COL5A1: variants seen among roughly 807,000 people sequenced by gnomAD.
The protein encoded by COL5A1 is collagen alpha-1(V) chain.
Under a neutral mutation model 263.7 loss-of-function variants are expected in COL5A1, and 16 were observed. The observed-to-expected ratio is 0.06, with a 90% CI of 0.04 to 0.09. COL5A1 has a LOEUF of 0.09. Among genes scored for constraint, COL5A1 ranks in the 10% least tolerant of loss-of-function variants. COL5A1 has a pLI of 1.00. For synonymous variants in COL5A1, 1,012 were observed against 1,004.5 expected (o/e 1.01, Z -0.14); for missense variants, 2,036 against 2,540.5 (o/e 0.80, Z 4.27).
intron 39 of COL5A1, among the ~76,000 whole-genome samples, chr9:134,803,860 A>C (rs779376671): frequency 1.3e-5 from 2 of 151,942 alleles, no homozygotes; most frequent in African/African-American, 2.4e-5. Context: ...AGAAAAAAAA[A>C]CAGCCCTCAC....
chr9:134,814,463 C>T (rs1479281098), intron 49 of COL5A1, among the ~76,000 whole-genome samples: 1 of 152,232 alleles, frequency 6.6e-6, no homozygotes, highest in African/African-American at 2.4e-5. Context: ...GTTCTAGCTG[C>T]TCCCTCCCCA....
At chr9:134,815,068 T>G (rs1479446349) in intron 50 of COL5A1, among the ~76,000 whole-genome samples, 164 bp downstream of exon 50, 1 of 152,224 alleles carries the variant, frequency 6.6e-6, no homozygotes, top group East Asian at 1.9e-4. Context: ...TACCAGCTAC[T>G]GAACCAAAAT....
intron 48 of COL5A1, 47 bp downstream of exon 48, chr9:134,812,759 AG>A: frequency 1.0e-6 from 1 of 969,712 alleles, no homozygotes; most frequent in Non-Finnish European, 1.5e-6. Context: ...TTGTTTGAGG[AG>A]TGTGTGTGTG....
At chr9:134,836,696 A>G (rs1839865743) in intron 65 of COL5A1, among the ~76,000 whole-genome samples, 1 of 152,220 alleles carries the variant, frequency 6.6e-6, no homozygotes, top group African/African-American at 2.4e-5. Context: ...CCTGCCCAGC[A>G]TCGCTGCGGA....
At position 134,826,636 on chromosome 9, in the gene COL5A1, ATG is replaced by A. The variant is rs932059277; in HGVS notation, c.5067+737_5067+738del. On this transcript the variant is annotated intron_variant, in intron 63 of 65. Coordinates refer to ENST00000371817, the MANE Select transcript of COL5A1 (RefSeq NM_000093.5). ...TGTGTGTGTAGATGGCATGTGGATG[ATG>A]TGTGGGTGCATGTGGCTGGTGGATG... Among the ~76,000 whole-genome samples the A allele has an allele frequency of 4.3e-3, 439 of 102,702 alleles. 4 individuals are homozygous for A. The highest frequency in any genetic ancestry group is 0.026 in the African/African-American group (415 of 15,968). The allele number at this position is 102,702 out of a possible 152,430, so 67.4% of individuals were successfully genotyped here.
In COL5A1 at chr9:134,804,965, C is replaced by CT. The variant is rs1277988863; in HGVS notation, c.3115-9dup. 6.2e-7 allele frequency: 1 copy of CT among 1,612,188 alleles called. No individual in the cohort carries two copies. The highest frequency in any genetic ancestry group is 1.3e-5 in the African/African-American group (1 of 74,914). On this transcript the variant is annotated splice_polypyrimidine_tract_variant and intron_variant, in intron 39 of 65. Transcript: ENST00000371817. ...GCTCCAGGAAAGCTCATCTCTGACT[C>CT]TGTTTTCAGGGTGACCCAGGCCCTG... is the stretch of plus-strand genomic sequence containing the variant.
At chr9:134,735,513 G>T (rs1231606082) in intron 9 of COL5A1, among the ~76,000 whole-genome samples, 2 of 152,218 alleles carry the variant, frequency 1.3e-5, no homozygotes, top group Non-Finnish European at 2.9e-5. Context: ...TGCCTGGGAA[G>T]GTTCAGGCAT....
chr9:134,665,645 C>T (rs948043306), intron 1 of COL5A1, among the ~76,000 whole-genome samples: 1 of 152,164 alleles, frequency 6.6e-6, no homozygotes, highest in Non-Finnish European at 1.5e-5. Flanking sequence ...GCAGGTGGGT[C>T]TTTGGAAGGT....
chr9:134,707,076 G>T (rs1833859959), intron 4 of COL5A1, among the ~76,000 whole-genome samples: 1 of 152,196 alleles, frequency 6.6e-6, no homozygotes, highest in Non-Finnish European at 1.5e-5. Flanking sequence ...GCGGGACTAA[G>T]AGGGGGCCTG....
rs751699482 is a variant in COL5A1 at position 134,830,007 on chromosome 9, C to G, written c.5099C>G (p.Pro1700Arg). 6.2e-7 allele frequency: 1 copy of G among 1,614,002 alleles called. No homozygotes were observed. The highest frequency in any genetic ancestry group is 1.1e-5 in the South Asian group (1 of 91,022). The change falls in exon 64 of 66, where the codon CCG (proline) becomes CGG (arginine). Residue 1700 changes from proline (P) to arginine (R), a missense_variant. By Grantham distance (103) the Pro-to-Arg change is moderately radical. Around this residue, in one of 3 missense-constraint regions of COL5A1, gnomAD observed 358 missense variants for 384.6 expected, o/e 0.93. Transcript: ENST00000371817. Reference sequence around the variant, plus strand: ...ATCACTTCTTGGCCCAAAGAAAACCCGGGCTCCTGGTTCAGTGAATTCAAG... The same window carrying G: ...ATCACTTCTTGGCCCAAAGAAAACCGGGGCTCCTGGTTCAGTGAATTCAAG... ...ARITSWPKENPGSWFSEFKRG... is the reference protein window; with the variant it reads ...ARITSWPKENRGSWFSEFKRG...
chr9:134,829,161 G>A (rs556195096), intron 63 of COL5A1, among the ~76,000 whole-genome samples: 40 of 152,364 alleles, frequency 2.6e-4, no homozygotes, highest in African/African-American at 7.5e-4. Flanking sequence ...CTCAGTGAGC[G>A]TTTCCAGCAG....
chr9:134,767,051 C>A lies in COL5A1; in HGVS notation c.2185C>A (p.Gln729Lys). 1 of 1,613,356 alleles carries A rather than the reference C, an allele frequency of 6.2e-7. No individual in the cohort carries two copies. Among genetic ancestry groups the A allele is most frequent in the Non-Finnish European group, 8.5e-7 (1 of 1,179,866 alleles). ...PPGQQGNPGAQGLPGPQGAIG... is the reference protein window; with the variant it reads ...PPGQQGNPGAKGLPGPQGAIG... Reference sequence around the variant, plus strand: ...AGGACAGCAGGGTAATCCAGGCGCCCAGGTAAGTGAGCCTGAGAGAGGCAG... The same window carrying A: ...AGGACAGCAGGGTAATCCAGGCGCCAAGGTAAGTGAGCCTGAGAGAGGCAG... Residue 729 changes from glutamine (Q) to lysine (K), a missense_variant and splice_region_variant, in exon 23 of 66, where the codon CAG becomes AAG. Gln to Lys is a moderately conservative substitution (Grantham distance 53). Coordinates refer to ENST00000371817, the MANE Select transcript of COL5A1 (RefSeq NM_000093.5).
chr9:134,663,590 C>G (rs1832273465), intron 1 of COL5A1, among the ~76,000 whole-genome samples: 1 of 152,178 alleles, frequency 6.6e-6, no homozygotes, highest in Non-Finnish European at 1.5e-5. Context: ...TTTTGGAAAA[C>G]ACCAAAAAGT....
chr9:134,642,328 A>T lies in COL5A1; in HGVS notation c.109+32A>T, dbSNP rs1831320204. On this transcript the variant is annotated intron_variant, in intron 1 of 65. Coordinates refer to ENST00000371817, the MANE Select transcript of COL5A1 (RefSeq NM_000093.5). The surrounding 1 kb of genome is among the most constrained non-coding windows in gnomAD (Gnocchi z 4.5). ...GCGCCCCGGGGCGCGGGGCTGCGGG[A>T]TGGGGCGCGCGCAGCCCGGGCGCCG... 1 of 606,508 alleles carries T rather than the reference A, an allele frequency of 1.6e-6. No homozygotes were observed. Among genetic ancestry groups the T allele is most frequent in the Non-Finnish European group, 2.2e-6 (1 of 447,022 alleles). The allele number at this position is 606,508 out of a possible 1,614,324, so 37.6% of individuals were successfully genotyped here. A position where few individuals can be genotyped will look rare whatever the true frequency, so the allele number is the denominator to read the frequency against.
chr9:134,674,722 C>T (rs759862086), intron 1 of COL5A1, among the ~76,000 whole-genome samples: 7 of 151,986 alleles, frequency 4.6e-5, no homozygotes, highest in Admixed American at 1.3e-4. Flanking sequence ...CCTGTCTCTA[C>T]GAAAAATACA....
intron 20 of COL5A1, 62 bp downstream of exon 20, chr9:134,763,799 C>A: frequency 6.6e-7 from 1 of 1,506,172 alleles, no homozygotes; most frequent in Non-Finnish European, 9.2e-7. Context: ...TTGTCCAAGG[C>A]TCCTGCTGGA....
rs1832842498 is a variant in COL5A1, at chr9:134,681,121, T to C, written c.110-9791T>C. Among the ~76,000 whole-genome samples, 1 of 152,072 alleles carries C rather than the reference T, an allele frequency of 6.6e-6. No individual in the cohort carries two copies. Among genetic ancestry groups the C allele is most frequent in the Non-Finnish European group, 1.5e-5 (1 of 68,006 alleles). On this transcript the variant is annotated intron_variant, in intron 1 of 65. Coordinates refer to ENST00000371817, the MANE Select transcript of COL5A1 (RefSeq NM_000093.5). This position sits in a 1 kb window ranked among gnomAD's most constrained non-coding sequence, Gnocchi z 4.3. ...TCCAGAGCGCCTCTGTTTTTCGACCTGCTGGGTTGACCTCACTGATGAGGC... is the reference window on the plus strand; with the variant it reads ...TCCAGAGCGCCTCTGTTTTTCGACCCGCTGGGTTGACCTCACTGATGAGGC...
intron 27 of COL5A1, among the ~76,000 whole-genome samples, chr9:134,778,609 G>A (rs1231812697): frequency 6.6e-6 from 1 of 152,208 alleles, no homozygotes; most frequent in African/African-American, 2.4e-5. Context: ...CCACATTAGT[G>A]TGCCAAGTGC....
chr9:134,654,112 A>C (rs1464569252), intron 1 of COL5A1, among the ~76,000 whole-genome samples: 1 of 86,246 alleles, frequency 1.2e-5, no homozygotes, highest in Non-Finnish European at 2.2e-5. Context: ...GGGAGTGTGT[A>C]GGGCTTAGGG....
Sources: allele counts gnomAD v4.1 joint callset (sites outside exome capture counted in the v4.1 genomes callset), GRCh38; gene constraint gnomAD v4.1.1; regional missense constraint gnomAD v4.1.1; non-coding constraint Gnocchi (gnomAD v3.1); transcripts MANE v1.5; gene names NCBI Gene and HGNC (gene_info 2026-07-23, HGNC 2026-07-21).